COMMD10: variants seen among roughly 807,000 people sequenced by gnomAD.
COMMD10 encodes the protein COMM domain containing 10.
A neutral mutation model predicts 28.9 loss-of-function variants in COMMD10; 33 were observed. The observed-to-expected ratio is 1.14, with a 90% CI of 0.87 to 1.53. The LOEUF (loss-of-function observed/expected upper bound fraction) is 1.53, where lower values mean the gene tolerates loss of function less well. Among genes scored for constraint, COMMD10 ranks in the 40% most tolerant of loss-of-function variants. The pLI, the probability that COMMD10 is intolerant of heterozygous loss-of-function variation, is 0.00. For missense variants in COMMD10, 310 were observed against 233.4 expected, an observed-to-expected ratio of 1.33 and a Z score of -2.14; for synonymous variants, 110 against 81.7, an observed-to-expected ratio of 1.35 and a Z score of -1.87.
intron 5 of COMMD10, among the ~76,000 whole-genome samples, chr5:116,224,719 A>G (rs1172127598): frequency 2.0e-5 from 3 of 152,174 alleles, no homozygotes; most frequent in Non-Finnish European, 1.5e-5. Context: ...TAGACATCCT[A>G]TTTCAACATG....
At chr5:116,157,342 C>G (rs1752749927) in intron 5 of COMMD10, among the ~76,000 whole-genome samples, 1 of 152,116 alleles carries the variant, frequency 6.6e-6, no homozygotes, top group Non-Finnish European at 1.5e-5. Context: ...TATTATTGTT[C>G]ACAAGTCTGT....
intron 5 of COMMD10, among the ~76,000 whole-genome samples, chr5:116,159,983 G>A (rs1345783416): frequency 6.6e-6 from 1 of 152,100 alleles, no homozygotes; most frequent in East Asian, 1.9e-4. Context: ...TTTCAGGATG[G>A]AATAGTTATG....
At chr5:116,219,021 G>C (rs1021133896) in intron 5 of COMMD10, among the ~76,000 whole-genome samples, 2 of 152,034 alleles carry the variant, frequency 1.3e-5, no homozygotes, top group African/African-American at 2.4e-5. Flanking sequence ...AGTATGACTG[G>C]TGTCTTTGTA....
intron 5 of COMMD10, among the ~76,000 whole-genome samples, chr5:116,245,384 G>C (rs1378787428): frequency 6.6e-6 from 1 of 152,050 alleles, no homozygotes; most frequent in Non-Finnish European, 1.5e-5. Flanking sequence ...TCCAGGACCA[G>C]ACGTATTCAC....
At chr5:116,267,359 GA>G (rs1264817857) in intron 5 of COMMD10, among the ~76,000 whole-genome samples, 13 of 151,856 alleles carry the variant, frequency 8.6e-5, no homozygotes, top group Admixed American at 2.0e-4. Flanking sequence ...TGGCTTCAAA[GA>G]GAATAAAATA....
chr5:116,263,682 C>T (rs1750509699), intron 5 of COMMD10, among the ~76,000 whole-genome samples: 1 of 151,682 alleles, frequency 6.6e-6, no homozygotes, highest in South Asian at 2.1e-4. Context: ...CCATTGATCC[C>T]AGGTCTTGAG....
intron 5 of COMMD10, among the ~76,000 whole-genome samples, chr5:116,146,097 T>G (rs964059847): frequency 7.9e-5 from 12 of 152,008 alleles, no homozygotes; most frequent in African/African-American, 2.4e-4. Flanking sequence ...CTTGACCTGG[T>G]GTACAGTTTA....
intron 5 of COMMD10, among the ~76,000 whole-genome samples, chr5:116,279,208 G>A (rs1022197694): frequency 4.6e-5 from 7 of 151,768 alleles, no homozygotes; most frequent in African/African-American, 1.7e-4. Flanking sequence ...GCATTAAGAG[G>A]ATATTGAGAG....
At chr5:116,101,223 AG>A (rs1156507183) in intron 4 of COMMD10, among the ~76,000 whole-genome samples, 43 of 152,204 alleles carry the variant, frequency 2.8e-4, no homozygotes, top group Non-Finnish European at 7.4e-5. Flanking sequence ...GTACCTTTTT[AG>A]TACACTGATT....
chr5:116,243,868 G>C (rs927311629), intron 5 of COMMD10, among the ~76,000 whole-genome samples: 40 of 152,200 alleles, frequency 2.6e-4, no homozygotes, highest in African/African-American at 9.6e-4. Context: ...GGCAGTTTCA[G>C]AAATAACCTT....
At chr5:116,162,335 C>T (rs1383071188) in intron 5 of COMMD10, among the ~76,000 whole-genome samples, 1 of 150,548 alleles carries the variant, frequency 6.6e-6, no homozygotes, top group Admixed American at 6.6e-5. Flanking sequence ...CAAGCATGCA[C>T]CTTAAGTAGT....
intron 4 of COMMD10, among the ~76,000 whole-genome samples, chr5:116,123,511 G>T (rs1156570765): frequency 6.6e-6 from 1 of 152,160 alleles, no homozygotes; most frequent in East Asian, 1.9e-4. Flanking sequence ...GTTCATCAGG[G>T]ATATTGGTCT....
At chr5:116,165,608 G>T (rs1033083540) in intron 5 of COMMD10, among the ~76,000 whole-genome samples, 1 of 151,726 alleles carries the variant, frequency 6.6e-6, no homozygotes, top group Non-Finnish European at 1.5e-5. Flanking sequence ...GTGTGTGTGG[G>T]TGTATCTGTG....
At chr5:116,237,525 A>G (rs982262382) in intron 5 of COMMD10, among the ~76,000 whole-genome samples, 7 of 152,136 alleles carry the variant, frequency 4.6e-5, no homozygotes, top group Admixed American at 6.6e-5. Context: ...ACAGAAAAAA[A>G]ATTGCCAAGC....
chr5:116,096,834 C>T (rs188308149), intron 4 of COMMD10, among the ~76,000 whole-genome samples: 1 of 151,884 alleles, frequency 6.6e-6, no homozygotes, highest in Admixed American at 6.6e-5. Flanking sequence ...TCTACTTTTT[C>T]CTATATCCTC....
chr5:116,263,706 A>G (rs528288514), intron 5 of COMMD10, among the ~76,000 whole-genome samples: 4 of 151,880 alleles, frequency 2.6e-5, no homozygotes, highest in South Asian at 2.1e-4. Flanking sequence ...AACTCGACCA[A>G]TTGTCAACTA....
rs370923831 is a variant in COMMD10, at chr5:116,117,340, T to TGTA, written c.400-16728_400-16727insGTA. Among the ~76,000 whole-genome samples the TGTA allele has an allele frequency of 3.4e-4, 52 of 152,354 alleles. No individual in the cohort carries two copies. The East Asian group carries it at 7.5e-3, about 22-fold the overall frequency. On this transcript the variant is annotated intron_variant, in intron 4 of 6. Coordinates refer to ENST00000274458, the MANE Select transcript of COMMD10 (RefSeq NM_016144.4). ...GCCAAAAAGTCTGAGACTTCCTATT[T>TGTA]AAGTTTTAGTCTCTCCATGCTACAT...
intron 5 of COMMD10, among the ~76,000 whole-genome samples, chr5:116,233,605 C>T (rs1407266513): frequency 2.0e-5 from 3 of 152,116 alleles, no homozygotes; most frequent in African/African-American, 7.2e-5. Flanking sequence ...AGGAAGACCT[C>T]ACTGATAAGG....
rs1415783184 is a variant in COMMD10 at position 116,292,535 on chromosome 5, A to C, written c.*46A>C. ...TTCATCACGCTCCTGCCACCTCATT[A>C]TTTTGCATTGAAGATACATTGCCAG... On this transcript the variant is annotated 3_prime_UTR_variant, in exon 7 of 7. Transcript: ENST00000274458. 3.3e-6 allele frequency: 5 copies of C among 1,513,624 alleles called. No homozygotes were observed. In the East Asian group the frequency reaches 9.2e-5, roughly 28 times the overall value. 93.8% of individuals were successfully genotyped at this position (1,513,624 alleles called of 1,614,324 possible).
Sources: allele counts gnomAD v4.1 joint callset (sites outside exome capture counted in the v4.1 genomes callset), GRCh38; gene constraint gnomAD v4.1.1; transcripts MANE v1.5; gene names NCBI Gene and HGNC (gene_info 2026-07-23, HGNC 2026-07-21).